Variants in ZBTB46 observed in about 807,000 individuals in gnomAD.
ZBTB46 encodes zinc finger and BTB domain containing 46.
Under a neutral mutation model 44.1 loss-of-function variants are expected in ZBTB46, and 8 were observed. The ratio of observed to expected loss-of-function variants is 0.18; its 90% CI spans 0.11 to 0.33. The LOEUF is 0.33. Ranked by LOEUF, ZBTB46 falls within the 10% of genes least tolerant of loss-of-function variation. The pLI, the probability that ZBTB46 is intolerant of heterozygous loss-of-function variation, is 1.00. For synonymous variants in ZBTB46, 409 were observed against 382.3 expected (o/e 1.07, Z -0.81); for missense variants, 651 against 847.7 (o/e 0.77, Z 2.88).
intron 1 of ZBTB46, among the ~76,000 whole-genome samples, chr20:63,815,395 A>G (rs2092743563): frequency 6.7e-6 from 1 of 149,686 alleles, no homozygotes; most frequent in Non-Finnish European, 1.5e-5. Flanking sequence ...CAGTGAGTGC[A>G]GGTGCAGTGG....
intron 1 of ZBTB46, among the ~76,000 whole-genome samples, chr20:63,804,970 GAGTGC>G (rs1321602589): frequency 6.7e-6 from 1 of 149,738 alleles, no homozygotes; most frequent in African/African-American, 2.5e-5. Flanking sequence ...TGCCAGGTTG[GAGTGC>G]AGTGACACGA....
At chr20:63,749,264 G>A (rs2092135182) in intron 4 of ZBTB46, among the ~76,000 whole-genome samples, 1 of 152,184 alleles carries the variant, frequency 6.6e-6, no homozygotes, top group African/African-American at 2.4e-5. Context: ...GCCCAAACAC[G>A]CTAACCCTAG....
At chr20:63,750,322 G>A (rs2092148253) in intron 4 of ZBTB46, among the ~76,000 whole-genome samples, 1 of 152,090 alleles carries the variant, frequency 6.6e-6, no homozygotes, top group Non-Finnish European at 1.5e-5. Flanking sequence ...ACAGCTCACT[G>A]CAGCCTGGAC....
At chr20:63,823,616 A>G (rs4809236) in intron 1 of ZBTB46, among the ~76,000 whole-genome samples, 27,264 of 151,806 alleles carry the variant, frequency 0.18, 2,968 homozygotes, top group East Asian at 0.46. Flanking sequence ...TGGGAGGATC[A>G]CCTTAGCCCA....
chr20:63,808,267 G>C (rs1477240642), intron 1 of ZBTB46: 5 of 152,440 alleles, frequency 3.3e-5, no homozygotes, highest in African/African-American at 1.2e-4. Flanking sequence ...TGGGGCCCCA[G>C]CGATGAACCT....
At position 63,787,995 on chromosome 20, in the gene ZBTB46, C is replaced by T. The variant is rs1396088355; in HGVS notation, c.937+1826G>A. ...CTGCGACATTTTTCAGGGCCTCCCA[C>T]CCTGCGGCTTGCTGTCTTTCGTCCT... is the stretch of plus-strand genomic sequence containing the variant. On this transcript the variant is annotated intron_variant, in intron 2 of 4. Coordinates refer to ENST00000245663, the MANE Select transcript of ZBTB46 (RefSeq NM_001369741.1). The surrounding 1 kb of genome is among the most constrained non-coding windows in gnomAD (Gnocchi z 4.6). 2 of 152,450 alleles carry T rather than the reference C, an allele frequency of 1.3e-5. No individual in the cohort carries two copies. The highest frequency in any genetic ancestry group is 3.9e-4 in the East Asian group (2 of 5,188). 9.4% of individuals were successfully genotyped at this position (152,450 alleles called of 1,614,324 possible).
intron 2 of ZBTB46, among the ~76,000 whole-genome samples, chr20:63,784,106 G>C (rs945403194): frequency 6.6e-6 from 1 of 152,232 alleles, no homozygotes; most frequent in Non-Finnish European, 1.5e-5. Context: ...TGGAGAGAAA[G>C]AGGGAACACC....
At chr20:63,827,556 C>T (rs1032795326) in intron 1 of ZBTB46, among the ~76,000 whole-genome samples, 2 of 147,990 alleles carry the variant, frequency 1.4e-5, no homozygotes, top group South Asian at 2.1e-4. Context: ...TGCAGTGAGC[C>T]GAGATTGCGC....
chr20:63,759,741 T>A (rs1191558745), intron 3 of ZBTB46, among the ~76,000 whole-genome samples: 2 of 152,168 alleles, frequency 1.3e-5, no homozygotes, highest in Non-Finnish European at 2.9e-5. Context: ...AGAGGCTAAG[T>A]CATCATGATT....
At chr20:63,818,760 AG>A (rs1320014394) in intron 1 of ZBTB46, among the ~76,000 whole-genome samples, 1 of 151,130 alleles carries the variant, frequency 6.6e-6, no homozygotes, top group Non-Finnish European at 1.5e-5. Context: ...GGGGAGGCTG[AG>A]GCAGGAGAAT....
At chr20:63,773,480 G>T (rs994140615) in intron 3 of ZBTB46, among the ~76,000 whole-genome samples, 3 of 152,096 alleles carry the variant, frequency 2.0e-5, no homozygotes, top group African/African-American at 7.2e-5. Flanking sequence ...AGCTGTACCT[G>T]GGGTGCTGCA....
chr20:63,830,447 C>G (rs1167491688), intron 1 of ZBTB46, among the ~76,000 whole-genome samples: 1 of 150,890 alleles, frequency 6.6e-6, no homozygotes, highest in Non-Finnish European at 1.5e-5. Context: ...GCCCCGAGGC[C>G]CCTGCGCCCC....
chr20:63,783,672 T>C (rs1176153716), intron 2 of ZBTB46, among the ~76,000 whole-genome samples: 4 of 152,140 alleles, frequency 2.6e-5, no homozygotes, highest in African/African-American at 4.8e-5. Flanking sequence ...AGGACAGGAC[T>C]GAACAGGGGA....
upstream of ZBTB46, among the ~76,000 whole-genome samples, chr20:63,831,531 A>C: frequency 6.8e-6 from 1 of 147,172 alleles, no homozygotes; most frequent in African/African-American, 2.5e-5. Flanking sequence ...GGACAGCGGA[A>C]GTGCGGGCTG....
rs537211721 is a variant in ZBTB46, at chr20:63,803,320, C to T, written c.-33-12530G>A. On this transcript the variant is annotated intron_variant, in intron 1 of 4. Coordinates refer to ENST00000245663, the MANE Select transcript of ZBTB46 (RefSeq NM_001369741.1). This position sits in a 1 kb window ranked among gnomAD's most constrained non-coding sequence, Gnocchi z 4.0. ...TGAAACTGTCGTACAAATTAAATTT[C>T]ATATACATCATATTACCATTGTTCG... 235 of 985,364 alleles carry T rather than the reference C, an allele frequency of 2.4e-4. No homozygotes were observed. The African/African-American group carries it at 3.6e-3, about 15-fold the overall frequency. The allele number at this position is 985,364 out of a possible 1,614,324, so 61.0% of individuals were successfully genotyped here.
rs1021557089 is a variant in ZBTB46, at chr20:63,767,572, G to T, written c.1222+8106C>A. 3.9e-5 allele frequency among the ~76,000 whole-genome samples: 6 copies of T among 152,214 alleles called. No homozygotes were observed. Among genetic ancestry groups the T allele is most frequent in the African/African-American group, 1.4e-4 (6 of 41,454 alleles). ...GCCTGGGCAGCTGCACCCAGCTGGA[G>T]CCCGGGACCCGGACGCCAAAGCTCT... On this transcript the variant is annotated intron_variant, in intron 3 of 4. Transcript: ENST00000245663. The surrounding 1 kb of genome is among the most constrained non-coding windows in gnomAD (Gnocchi z 5.0).
intron 1 of ZBTB46, among the ~76,000 whole-genome samples, chr20:63,801,662 A>G (rs937831618): frequency 6.6e-6 from 1 of 152,228 alleles, no homozygotes; most frequent in Admixed American, 6.5e-5. Context: ...GAAGCCAGCC[A>G]AGACCACGAA....
In ZBTB46 at chr20:63,744,279, G is replaced by A. The variant is rs1277856631; in HGVS notation, c.*2651C>T. On this transcript the variant is annotated 3_prime_UTR_variant, in exon 5 of 5. Transcript: ENST00000245663. ...TGCAAAGTTGGAAGCAGTAAGCTGC[G>A]TCTTCTGAGTCAGTTCCCTACGTAG... 5 of 152,112 alleles carry A rather than the reference G, an allele frequency of 3.3e-5. No individual in the cohort carries two copies. The highest frequency in any genetic ancestry group is 1.3e-4 in the Admixed American group (2 of 15,256). The allele number at this position is 152,112 out of a possible 1,614,324, so 9.4% of individuals were successfully genotyped here.
chr20:63,775,484 A>G (rs751200105), intron 3 of ZBTB46, 194 bp downstream of exon 3: 3 of 659,112 alleles, frequency 4.6e-6, no homozygotes, highest in Non-Finnish European at 7.2e-6. Flanking sequence ...CTCACTCTAA[A>G]GCCAGCCCCC....
Sources: allele counts gnomAD v4.1 joint callset (sites outside exome capture counted in the v4.1 genomes callset), GRCh38; gene constraint gnomAD v4.1.1; non-coding constraint Gnocchi (gnomAD v3.1); transcripts MANE v1.5; gene names NCBI Gene and HGNC (gene_info 2026-07-23, HGNC 2026-07-21).